ELAVL2: variants seen among roughly 807,000 people sequenced by gnomAD.
ELAVL2 encodes ELAV like RNA binding protein 2.
A neutral mutation model predicts 34.6 loss-of-function variants in ELAVL2; 4 were observed. The observed-to-expected ratio is 0.12, with a 90% confidence interval of 0.06 to 0.26. The LOEUF (loss-of-function observed/expected upper bound fraction) is 0.26, where lower values mean the gene tolerates loss of function less well. ELAVL2 is among the 10% of genes least tolerant of loss of function. The pLI is 1.00. For missense variants in ELAVL2, 432 were observed against 442.8 expected (o/e 0.98, Z 0.22); for synonymous variants, 193 against 154.8 (o/e 1.25, Z -1.83).
At chr9:23,703,372 T>G (rs1952956037) in intron 4 of ELAVL2, among the ~76,000 whole-genome samples, 1 of 152,236 alleles carries the variant, frequency 6.6e-6, no homozygotes, top group Non-Finnish European at 1.5e-5. Flanking sequence ...ACACCATTAT[T>G]AGTCTATGTG....
intron 3 of ELAVL2, among the ~76,000 whole-genome samples, chr9:23,712,089 G>A (rs1057506340): frequency 2.0e-5 from 3 of 152,186 alleles, no homozygotes; most frequent in Non-Finnish European, 4.4e-5. Flanking sequence ...GCTGTGGGGC[G>A]GGGGGAGTCT....
chr9:23,748,707 G>A (rs975218269), intron 2 of ELAVL2, among the ~76,000 whole-genome samples: 1 of 152,132 alleles, frequency 6.6e-6, no homozygotes, highest in Non-Finnish European at 1.5e-5. Context: ...TACGGGGAAT[G>A]TGGCATGAAC....
chr9:23,757,838 A>C (rs2053944873), intron 2 of ELAVL2, among the ~76,000 whole-genome samples: 1 of 151,998 alleles, frequency 6.6e-6, no homozygotes, highest in African/African-American at 2.4e-5. Context: ...CCTAATCCTC[A>C]CTCGATCAAA....
At chr9:23,699,064 C>G (rs1450449358) in intron 5 of ELAVL2, among the ~76,000 whole-genome samples, 1 of 152,154 alleles carries the variant, frequency 6.6e-6, no homozygotes, top group Non-Finnish European at 1.5e-5. Context: ...AAATGTCTTT[C>G]TATAGGAGTG....
At chr9:23,831,696 T>C in the ELAVL2 span, 1 of 151,996 alleles carries the variant, frequency 6.6e-6, no homozygotes. Flanking sequence ...AATTAAGAAA[T>C]TGAAATTCAG....
chr9:23,710,799 C>G (rs535106875), intron 3 of ELAVL2, among the ~76,000 whole-genome samples: 3 of 152,212 alleles, frequency 2.0e-5, no homozygotes, highest in African/African-American at 4.8e-5. Flanking sequence ...AAAGTTAGCT[C>G]TAGGCTCTAA....
intron 3 of ELAVL2, among the ~76,000 whole-genome samples, chr9:23,728,412 A>C (rs2045771733): frequency 6.6e-6 from 1 of 152,130 alleles, no homozygotes; most frequent in Non-Finnish European, 1.5e-5. Context: ...GGACGCTGGG[A>C]GTAAGATCAG....
intron 3 of ELAVL2, among the ~76,000 whole-genome samples, chr9:23,729,090 C>T (rs2045935563): frequency 6.6e-6 from 1 of 152,170 alleles, no homozygotes; most frequent in Admixed American, 6.5e-5. Flanking sequence ...TCAACTGTCT[C>T]CTTGAAGGCC....
intron 1 of ELAVL2, among the ~76,000 whole-genome samples, chr9:23,793,678 C>T (rs1352173691): frequency 4.6e-5 from 7 of 152,146 alleles, no homozygotes; most frequent in Non-Finnish European, 1.5e-5. Context: ...TGATTTTCAT[C>T]ATGTGAGTGA....
At chr9:23,801,652 TA>T (rs1274805741) in intron 1 of ELAVL2, among the ~76,000 whole-genome samples, 1 of 152,212 alleles carries the variant, frequency 6.6e-6, no homozygotes, top group African/African-American at 2.4e-5. Context: ...TTAGGGTGTA[TA>T]AAGGTCAACA....
chr9:23,738,322 G>C (rs1009487748), intron 2 of ELAVL2, among the ~76,000 whole-genome samples: 1 of 152,214 alleles, frequency 6.6e-6, no homozygotes, highest in African/African-American at 2.4e-5. Context: ...GACTTAGCCT[G>C]AGTCTCCTCA....
At chr9:23,750,054 A>G (rs2051516223) in intron 2 of ELAVL2, among the ~76,000 whole-genome samples, 2 of 151,908 alleles carry the variant, frequency 1.3e-5, no homozygotes, top group Non-Finnish European at 2.9e-5. Flanking sequence ...AAGACTCTTT[A>G]AAAGTCGGTT....
At chr9:23,789,456 TGAG>T (rs1261105460) in intron 1 of ELAVL2, among the ~76,000 whole-genome samples, 1 of 152,216 alleles carries the variant, frequency 6.6e-6, no homozygotes, top group Non-Finnish European at 1.5e-5. Context: ...GGCATAGTAT[TGAG>T]GAAACAGTTC....
chr9:23,733,633 T>C (rs1435072889), intron 2 of ELAVL2, among the ~76,000 whole-genome samples: 2 of 152,182 alleles, frequency 1.3e-5, no homozygotes, highest in Non-Finnish European at 2.9e-5. Flanking sequence ...CTGAGGTCTG[T>C]CTGGGGCACA....
In ELAVL2 at chr9:23,690,361, G is replaced by A. The variant is rs1390312276; in HGVS notation, c.*2196C>T. The A allele has an allele frequency of 6.6e-6, 1 of 152,484 alleles. No homozygotes were observed. The highest frequency in any genetic ancestry group is 1.5e-5 in the Non-Finnish European group (1 of 68,002). The allele number at this position is 152,484 out of a possible 1,614,324, so 9.4% of individuals were successfully genotyped here. A position where few individuals can be genotyped will look rare whatever the true frequency, so the allele number is the denominator to read the frequency against. On this transcript the variant is annotated 3_prime_UTR_variant, in exon 7 of 7. Coordinates refer to ENST00000397312, the MANE Select transcript of ELAVL2 (RefSeq NM_004432.5). The stretch of plus-strand genomic sequence containing the variant: ...TGCCTTGGTTTGCTACAGTAGTATA[G>A]GAAAGAAGCATGTAGCTGCTGTTTT...
intron 3 of ELAVL2, among the ~76,000 whole-genome samples, chr9:23,710,028 G>A (rs1257759934): frequency 6.6e-6 from 1 of 152,164 alleles, no homozygotes; most frequent in Non-Finnish European, 1.5e-5. Context: ...CGGGGAGGCA[G>A]TAAGTACTTG....
the ELAVL2 span, among the ~76,000 whole-genome samples, chr9:23,844,039 T>C: frequency 6.6e-6 from 1 of 152,060 alleles, no homozygotes; most frequent in African/African-American, 2.4e-5. Context: ...CTATATATTA[T>C]TTGAAAAGCC....
intron 1 of ELAVL2, among the ~76,000 whole-genome samples, chr9:23,816,626 T>C (rs746586109): frequency 1.3e-5 from 2 of 152,118 alleles, no homozygotes; most frequent in Non-Finnish European, 2.9e-5. Flanking sequence ...AACTGTATGG[T>C]GATATAAAAG....
the ELAVL2 span, among the ~76,000 whole-genome samples, chr9:23,838,464 A>G: frequency 1.3e-5 from 2 of 152,168 alleles, no homozygotes; most frequent in African/African-American, 4.8e-5. Flanking sequence ...TAAACAAAAT[A>G]ATATTCACTT....
Sources: allele counts gnomAD v4.1 joint callset (sites outside exome capture counted in the v4.1 genomes callset), GRCh38; gene constraint gnomAD v4.1.1; transcripts MANE v1.5; gene names NCBI Gene and HGNC (gene_info 2026-07-23, HGNC 2026-07-21).